The following CDH12 variants were observed in gnomAD, a reference collection of about 807,000 sequenced individuals.
CDH12 encodes the protein cadherin-12.
CDH12 carries 41 observed loss-of-function variants against 74.1 expected under a neutral mutation model. That is an observed-to-expected ratio of 0.55 (90% CI 0.43 to 0.72). The LOEUF (loss-of-function observed/expected upper bound fraction) is 0.72, where lower values mean the gene tolerates loss of function less well. CDH12 is among the 30% of genes least tolerant of loss of function. The pLI, the probability that CDH12 is intolerant of heterozygous loss-of-function variation, is 0.00. For missense variants in CDH12, 945 were observed against 977.2 expected (o/e 0.97, Z 0.44); for synonymous variants, 399 against 355.0 (o/e 1.12, Z -1.39).
intron 7 of CDH12, among the ~76,000 whole-genome samples, chr5:21,846,747 T>C (rs918631373): frequency 1.1e-4 from 16 of 152,278 alleles, no homozygotes; most frequent in African/African-American, 3.8e-4. Context: ...AAAAAAGTTA[T>C]TGTCTGTTTT....
chr5:21,987,839 A>C (rs1418812713), intron 5 of CDH12, among the ~76,000 whole-genome samples: 1 of 152,094 alleles, frequency 6.6e-6, no homozygotes, highest in Non-Finnish European at 1.5e-5. Context: ...TCACTTTTTC[A>C]TGTTACTTCA....
chr5:22,309,907 C>T (rs1198962738), intron 3 of CDH12, among the ~76,000 whole-genome samples: 1 of 149,084 alleles, frequency 6.7e-6, no homozygotes, highest in Non-Finnish European at 1.5e-5. Context: ...AATCCTCTGG[C>T]TCCCAAATTC....
chr5:22,447,859 A>G (rs1331649958), intron 2 of CDH12, among the ~76,000 whole-genome samples: 1 of 151,876 alleles, frequency 6.6e-6, no homozygotes, highest in Non-Finnish European at 1.5e-5. Flanking sequence ...AAATAGTATT[A>G]GGCTGAGCAT....
At chr5:22,371,231 T>C (rs945881442) in intron 3 of CDH12, among the ~76,000 whole-genome samples, 1 of 152,166 alleles carries the variant, frequency 6.6e-6, no homozygotes, top group Admixed American at 6.5e-5. Flanking sequence ...TGATGAACTA[T>C]TGAACTCAGA....
At chr5:22,113,980 C>A (rs1411283920) in intron 4 of CDH12, among the ~76,000 whole-genome samples, 1 of 152,122 alleles carries the variant, frequency 6.6e-6, no homozygotes, top group African/African-American at 2.4e-5. Flanking sequence ...GATATTTCTT[C>A]TTTTCCAATA....
chr5:22,274,987 G>A (rs531221649), intron 3 of CDH12, among the ~76,000 whole-genome samples: 7 of 152,086 alleles, frequency 4.6e-5, no homozygotes, highest in Non-Finnish European at 1.0e-4. Context: ...AATACCTTAA[G>A]AATCTTTTAA....
At chr5:21,873,578 T>C (rs187944985) in intron 6 of CDH12, among the ~76,000 whole-genome samples, 1 of 152,160 alleles carries the variant, frequency 6.6e-6, no homozygotes, top group Non-Finnish European at 1.5e-5. Context: ...TCCAAGCATT[T>C]TGATAATTTG....
At chr5:22,686,950 A>C (rs1741831631) in intron 1 of CDH12, among the ~76,000 whole-genome samples, 1 of 152,196 alleles carries the variant, frequency 6.6e-6, no homozygotes, top group African/African-American at 2.4e-5. Flanking sequence ...TCCCTGTATG[A>C]ATTTCTCACT....
At chr5:22,691,630 A>G (rs527774210) in intron 1 of CDH12, among the ~76,000 whole-genome samples, 4 of 152,204 alleles carry the variant, frequency 2.6e-5, no homozygotes, top group Non-Finnish European at 2.9e-5. Context: ...AACCTTTTCA[A>G]ACAAGATCAT....
intron 3 of CDH12, among the ~76,000 whole-genome samples, chr5:22,272,113 A>G (rs1013414763): frequency 6.6e-6 from 1 of 152,352 alleles, no homozygotes; most frequent in South Asian, 2.1e-4. Context: ...CACTGAAAAT[A>G]TATTGTTTAG....
chr5:22,754,498 T>C (rs1745776909), intron 1 of CDH12, among the ~76,000 whole-genome samples: 2 of 150,874 alleles, frequency 1.3e-5, no homozygotes, highest in South Asian at 4.2e-4. Flanking sequence ...TAGGTGATGG[T>C]TAAGTCTAAG....
chr5:22,724,733 A>T (rs984905090), intron 1 of CDH12, among the ~76,000 whole-genome samples: 5 of 151,830 alleles, frequency 3.3e-5, no homozygotes, highest in African/African-American at 7.2e-5. Context: ...AAATGATGGC[A>T]TAATGTTCCA....
At chr5:22,086,305 G>A (rs760826535) in intron 4 of CDH12, among the ~76,000 whole-genome samples, 2 of 151,496 alleles carry the variant, frequency 1.3e-5, no homozygotes, top group Non-Finnish European at 2.9e-5. Flanking sequence ...GCCAAAATAT[G>A]CTATTTGAAT....
intron 1 of CDH12, among the ~76,000 whole-genome samples, chr5:22,836,148 C>T (rs1341083029): frequency 6.7e-6 from 1 of 149,330 alleles, no homozygotes. Context: ...TCAATGCCTA[C>T]TCTAAAAAGA....
intron 1 of CDH12, among the ~76,000 whole-genome samples, chr5:22,790,975 G>C (rs1332587960): frequency 6.6e-6 from 1 of 152,174 alleles, no homozygotes; most frequent in Non-Finnish European, 1.5e-5. Context: ...ATGGTACCAA[G>C]TAAGCATCCC....
At chr5:22,028,309 A>G (rs1273199598) in intron 5 of CDH12, among the ~76,000 whole-genome samples, 12 of 151,972 alleles carry the variant, frequency 7.9e-5, no homozygotes, top group African/African-American at 2.7e-4. Flanking sequence ...TAGGAAAAGA[A>G]GAAGTCAAAT....
chr5:21,835,054 G>T (rs75366362), intron 8 of CDH12, among the ~76,000 whole-genome samples: 3,075 of 151,896 alleles, frequency 0.02, 76 homozygotes, highest in African/African-American at 0.058. Flanking sequence ...TATGCTGGGG[G>T]TGTTATCAGT....
At chr5:21,944,814 T>G (rs555219851) in intron 6 of CDH12, among the ~76,000 whole-genome samples, 11 of 152,100 alleles carry the variant, frequency 7.2e-5, no homozygotes, top group Non-Finnish European at 1.5e-4. Flanking sequence ...AGTACCCTAC[T>G]TTTGCCATGA....
Position 22,054,341 on chromosome 5 carries a change from A to T in CDH12, c.231+24105T>A, listed in dbSNP as rs113731586. On this transcript the variant is annotated intron_variant, in intron 5 of 14. Transcript: ENST00000382254. ...TTGCTCCATTATTTCTCACATTCAT[A>T]TATATAGATATCTGGTAGAGATTTG... 6.8e-3 allele frequency among the ~76,000 whole-genome samples: 1,035 copies of T among 152,254 alleles called. 5 individuals are homozygous for T. Among genetic ancestry groups the T allele is most frequent in the Non-Finnish European group, 9.9e-3 (676 of 68,010 alleles).
Sources: allele counts gnomAD v4.1 joint callset (sites outside exome capture counted in the v4.1 genomes callset), GRCh38; gene constraint gnomAD v4.1.1; transcripts MANE v1.5; gene names NCBI Gene and HGNC (gene_info 2026-07-23, HGNC 2026-07-21).